The following CACNA2D1 variants were observed in gnomAD, a reference collection of about 807,000 sequenced individuals.
CACNA2D1 encodes voltage-dependent calcium channel subunit alpha-2/delta-1.
A neutral mutation model predicts 171.5 loss-of-function variants in CACNA2D1; 53 were observed. The observed-to-expected ratio is 0.31, with a 90% CI of 0.25 to 0.39. The LOEUF (loss-of-function observed/expected upper bound fraction) is 0.39, where lower values mean the gene tolerates loss of function less well. CACNA2D1 is among the 10% of genes least tolerant of loss of function. The pLI is 1.00. For synonymous variants in CACNA2D1, 442 were observed against 443.1 expected (o/e 1.00, Z 0.03); for missense variants, 903 against 1,299.8 (o/e 0.69, Z 4.69).
intron 7 of CACNA2D1, among the ~76,000 whole-genome samples, chr7:82,080,159 G>A (rs111445087): frequency 7.9e-4 from 6 of 7,582 alleles, no homozygotes; most frequent in African/African-American, 4.6e-3. Flanking sequence ...ACCTATATAT[G>A]TATATAGGTG....
chr7:82,002,108 T>C (rs966676605), intron 18 of CACNA2D1, among the ~76,000 whole-genome samples: 2 of 151,200 alleles, frequency 1.3e-5, no homozygotes, highest in Non-Finnish European at 1.5e-5. Context: ...ATATTTTTAA[T>C]GTCCATCCCT....
At chr7:82,261,802 C>G (rs1354059047) in intron 3 of CACNA2D1, among the ~76,000 whole-genome samples, 2 of 151,918 alleles carry the variant, frequency 1.3e-5, no homozygotes, top group Non-Finnish European at 2.9e-5. Context: ...AAAATGGGTT[C>G]ATCTTTCTTT....
chr7:82,382,906 A>T (rs1232395657), intron 1 of CACNA2D1, among the ~76,000 whole-genome samples: 2 of 152,220 alleles, frequency 1.3e-5, no homozygotes, highest in Non-Finnish European at 2.9e-5. Flanking sequence ...TGCATGAAAT[A>T]TATCATGGTA....
intron 1 of CACNA2D1, among the ~76,000 whole-genome samples, chr7:82,432,290 C>T (rs2129458930): frequency 6.6e-6 from 1 of 152,270 alleles, no homozygotes; most frequent in South Asian, 2.1e-4. Flanking sequence ...TTGCCACAAA[C>T]CGCAAGCATG....
rs1491114373 is a variant in CACNA2D1 at position 82,060,190 on chromosome 7, T to TATATATATAATA, written c.879+237_879+238insTATTATATATAT. Among the ~76,000 whole-genome samples the TATATATATAATA allele has an allele frequency of 5.8e-3, 76 of 13,142 alleles. 7 individuals carry two copies. The highest frequency in any genetic ancestry group is 0.013 in the Non-Finnish European group (63 of 4,862). 8.6% of individuals were successfully genotyped at this position (13,142 alleles called of 152,430 possible). On this transcript the variant is annotated intron_variant, in intron 10 of 38. Transcript: ENST00000356860. ...AATATATATATATAATATATATATATTATATATATATTATATATATAATAT... is the reference window on the plus strand; with the variant it reads ...AATATATATATATAATATATATATATATATATATAATATATATATATATTATATATATAATAT...
chr7:82,352,648 T>G (rs1246405044), intron 1 of CACNA2D1, among the ~76,000 whole-genome samples: 2 of 152,026 alleles, frequency 1.3e-5, no homozygotes, highest in African/African-American at 2.4e-5. Context: ...AACAAGAATA[T>G]GATAGGAAAT....
chr7:82,310,976 C>A (rs749522434), intron 3 of CACNA2D1, among the ~76,000 whole-genome samples: 1 of 151,944 alleles, frequency 6.6e-6, no homozygotes, highest in Non-Finnish European at 1.5e-5. Context: ...AGAGACAATC[C>A]GGCTTATTTG....
chr7:82,339,141 A>G (rs1376971402), intron 2 of CACNA2D1, among the ~76,000 whole-genome samples: 1 of 152,208 alleles, frequency 6.6e-6, no homozygotes, highest in African/African-American at 2.4e-5. Flanking sequence ...ATATAGAAAA[A>G]GAGTTAGAAC....
At chr7:82,157,269 A>G (rs1794467465) in intron 4 of CACNA2D1, among the ~76,000 whole-genome samples, 1 of 152,122 alleles carries the variant, frequency 6.6e-6, no homozygotes, top group South Asian at 2.1e-4. Context: ...TAGGCCATAT[A>G]AAGCCCCTAC....
intron 5 of CACNA2D1, among the ~76,000 whole-genome samples, chr7:82,131,529 T>A (rs1335043401): frequency 6.6e-6 from 1 of 152,180 alleles, no homozygotes; most frequent in Non-Finnish European, 1.5e-5. Context: ...GTAAATTTAA[T>A]TTATCCATAA....
chr7:82,147,300 T>C (rs1793257621), intron 4 of CACNA2D1, among the ~76,000 whole-genome samples: 1 of 152,108 alleles, frequency 6.6e-6, no homozygotes, highest in South Asian at 2.1e-4. Context: ...GGAATCTGCC[T>C]GTAAGCTATT....
intron 1 of CACNA2D1, among the ~76,000 whole-genome samples, chr7:82,429,617 G>T (rs1042102302): frequency 6.6e-5 from 10 of 152,158 alleles, no homozygotes; most frequent in African/African-American, 2.2e-4. Context: ...GACAGGTTGT[G>T]TCACATCTGA....
intron 3 of CACNA2D1, among the ~76,000 whole-genome samples, chr7:82,288,445 A>G (rs1355523343): frequency 6.6e-6 from 1 of 151,718 alleles, no homozygotes; most frequent in Non-Finnish European, 1.5e-5. Flanking sequence ...ACACACACAC[A>G]CACACACACA....
chr7:82,119,887 GATC>G (rs1487076035), intron 5 of CACNA2D1, among the ~76,000 whole-genome samples: 24 of 152,254 alleles, frequency 1.6e-4, no homozygotes, highest in Admixed American at 1.4e-3. Flanking sequence ...AAAGGAGTTA[GATC>G]AACAGTCTTG....
chr7:82,054,798 G>A (rs1805606520), intron 10 of CACNA2D1, among the ~76,000 whole-genome samples: 2 of 152,130 alleles, frequency 1.3e-5, no homozygotes, highest in African/African-American at 4.8e-5. Context: ...AGATGCTATG[G>A]CAACACAATT....
intron 21 of CACNA2D1, among the ~76,000 whole-genome samples, chr7:81,987,501 G>A (rs2130702101): frequency 6.6e-6 from 1 of 152,254 alleles, no homozygotes; most frequent in Non-Finnish European, 1.5e-5. Flanking sequence ...TAAAAAAAGA[G>A]AAAGCATCCT....
At chr7:82,372,407 C>T (rs80210077) in intron 1 of CACNA2D1, among the ~76,000 whole-genome samples, 1 of 151,994 alleles carries the variant, frequency 6.6e-6, no homozygotes, top group Non-Finnish European at 1.5e-5. Flanking sequence ...TCCAAAACTA[C>T]CAGGTAATTT....
At chr7:82,282,351 G>A (rs556050922) in intron 3 of CACNA2D1, among the ~76,000 whole-genome samples, 13 of 152,112 alleles carry the variant, frequency 8.5e-5, no homozygotes, top group African/African-American at 2.2e-4. Flanking sequence ...AGTTATGTTC[G>A]GATCCACCGA....
chr7:82,176,408 C>T (rs536538216), intron 3 of CACNA2D1, among the ~76,000 whole-genome samples: 1 of 151,856 alleles, frequency 6.6e-6, no homozygotes, highest in Non-Finnish European at 1.5e-5. Flanking sequence ...TTGTTATATC[C>T]TAGTGAACAA....
Sources: gnomAD v4.1 joint callset for allele counts (sites outside exome capture counted in the v4.1 genomes callset) on GRCh38, gnomAD v4.1.1 for gene constraint, MANE v1.5 for transcripts, NCBI Gene and HGNC (gene_info 2026-07-23, HGNC 2026-07-21) for gene names.